Variants in MACROD2 observed in about 807,000 individuals in gnomAD.
MACROD2 encodes the protein ADP-ribose glycohydrolase MACROD2.
MACROD2 carries 36 observed loss-of-function variants against 70.4 expected under a neutral mutation model. That is an observed-to-expected ratio of 0.51 (90% CI 0.39 to 0.68). MACROD2 has a LOEUF of 0.68. MACROD2 is among the 30% of genes least tolerant of loss of function. MACROD2 has a pLI of 0.00. For synonymous variants in MACROD2, 172 were observed against 178.8 expected (o/e 0.96, Z 0.30); for missense variants, 496 against 538.4 (o/e 0.92, Z 0.78).
At chr20:15,205,658 CAAAG>C (rs1200872052) in intron 5 of MACROD2, among the ~76,000 whole-genome samples, 1 of 152,046 alleles carries the variant, frequency 6.6e-6, no homozygotes, top group Non-Finnish European at 1.5e-5. Flanking sequence ...TCTGTTACTT[CAAAG>C]AAAGAAGAGA....
At chr20:14,734,482 C>G (rs1488142322) in intron 5 of MACROD2, among the ~76,000 whole-genome samples, 2 of 143,166 alleles carry the variant, frequency 1.4e-5, no homozygotes, top group African/African-American at 5.2e-5. Context: ...GCCTGGGTAA[C>G]AGAGTGAAAC....
At chr20:14,667,538 G>A (rs999021129) in intron 4 of MACROD2, among the ~76,000 whole-genome samples, 1 of 152,234 alleles carries the variant, frequency 6.6e-6, no homozygotes, top group Non-Finnish European at 1.5e-5. Flanking sequence ...CTTCAAAACC[G>A]TTTGAGGTGT....
chr20:15,681,509 T>C (rs1310123576), intron 8 of MACROD2, among the ~76,000 whole-genome samples: 1 of 152,182 alleles, frequency 6.6e-6, no homozygotes, highest in Non-Finnish European at 1.5e-5. Context: ...GAGGAGAAGA[T>C]AACATATTTT....
chr20:15,829,653 C>T (rs1333612677), intron 8 of MACROD2, among the ~76,000 whole-genome samples: 1 of 152,122 alleles, frequency 6.6e-6, no homozygotes, highest in Non-Finnish European at 1.5e-5. Context: ...CTTATTCATT[C>T]ATTCATTATT....
At chr20:15,042,757 T>G (rs755857315) in intron 5 of MACROD2, among the ~76,000 whole-genome samples, 5 of 152,200 alleles carry the variant, frequency 3.3e-5, no homozygotes, top group Non-Finnish European at 7.3e-5. Context: ...TGATGAACTC[T>G]ACTTACATCC....
Position 15,661,780 on chromosome 20 carries a change from A to G in MACROD2, c.645+161933A>G, listed in dbSNP as rs111688872. On this transcript the variant is annotated intron_variant, in intron 8 of 17. Coordinates refer to ENST00000684519, the MANE Select transcript of MACROD2 (RefSeq NM_001351661.2). ...GATGAAAAACTCTGGCTTAAACTCA[A>G]CCTTAGGCTTCCACTCTGTAAAATT... 3.9e-3 allele frequency among the ~76,000 whole-genome samples: 587 copies of G among 152,272 alleles called. 6 individuals carry two copies. Among genetic ancestry groups the G allele is most frequent in the African/African-American group, 0.013 (531 of 41,556 alleles).
At chr20:14,886,611 G>A (rs1054720988) in intron 5 of MACROD2, among the ~76,000 whole-genome samples, 1 of 152,100 alleles carries the variant, frequency 6.6e-6, no homozygotes, top group Non-Finnish European at 1.5e-5. Context: ...TTTCTGGGAG[G>A]AGAGGACTCT....
chr20:14,891,549 A>G (rs1430073107), intron 5 of MACROD2, among the ~76,000 whole-genome samples: 3 of 152,152 alleles, frequency 2.0e-5, no homozygotes, highest in Non-Finnish European at 4.4e-5. Context: ...TGTCTTGTAC[A>G]TAGTCGGTAT....
chr20:14,592,721 C>T (rs529107163), intron 4 of MACROD2, among the ~76,000 whole-genome samples: 1 of 152,100 alleles, frequency 6.6e-6, no homozygotes, highest in Non-Finnish European at 1.5e-5. Context: ...TTAGCAGTAG[C>T]TACAGGAGGT....
intron 3 of MACROD2, among the ~76,000 whole-genome samples, chr20:14,178,376 T>A (rs1007855362): frequency 2.6e-5 from 4 of 152,316 alleles, no homozygotes; most frequent in South Asian, 4.1e-4. Context: ...GAGGAACATA[T>A]CTATGAATTT....
intron 3 of MACROD2, among the ~76,000 whole-genome samples, chr20:14,367,653 G>T (rs573260694): frequency 6.6e-6 from 1 of 152,152 alleles, no homozygotes; most frequent in African/African-American, 2.4e-5. Context: ...AGGATCCCTT[G>T]TATGTTGGAT....
chr20:14,386,954 A>G (rs2083474390), intron 3 of MACROD2, among the ~76,000 whole-genome samples: 1 of 152,222 alleles, frequency 6.6e-6, no homozygotes. Context: ...GGTTGAGGCT[A>G]GAAACCGGAG....
chr20:14,981,480 G>T (rs893270835), intron 5 of MACROD2, among the ~76,000 whole-genome samples: 6 of 150,732 alleles, frequency 4.0e-5, no homozygotes, highest in Non-Finnish European at 8.9e-5. Context: ...GTGTGTGTCG[G>T]TGTGTGCATG....
At chr20:14,414,669 G>C (rs73901247) in intron 3 of MACROD2, among the ~76,000 whole-genome samples, 2 of 152,106 alleles carry the variant, frequency 1.3e-5, no homozygotes, top group African/African-American at 4.8e-5. Flanking sequence ...TACCATGTCC[G>C]TCAAGGCCCT....
At chr20:15,255,496 G>T (rs2077191793) in intron 6 of MACROD2, among the ~76,000 whole-genome samples, 1 of 152,088 alleles carries the variant, frequency 6.6e-6, no homozygotes, top group Non-Finnish European at 1.5e-5. Flanking sequence ...GAGGGAATTA[G>T]GTTGACATTT....
At chr20:15,275,838 T>C (rs572410852) in intron 6 of MACROD2, among the ~76,000 whole-genome samples, 10 of 152,074 alleles carry the variant, frequency 6.6e-5, no homozygotes, top group Admixed American at 2.0e-4. Context: ...GGCTCCCAAA[T>C]CTCCAGTGGG....
chr20:15,694,030 G>T (rs1053886492), intron 8 of MACROD2, among the ~76,000 whole-genome samples: 2 of 152,094 alleles, frequency 1.3e-5, no homozygotes, highest in African/African-American at 4.8e-5. Flanking sequence ...CTAAGTCACT[G>T]CAAATGCTGT....
At chr20:14,902,686 A>T (rs1399834794) in intron 5 of MACROD2, among the ~76,000 whole-genome samples, 3 of 152,162 alleles carry the variant, frequency 2.0e-5, no homozygotes, top group African/African-American at 7.2e-5. Context: ...TGAAAAAAAT[A>T]GGGACCTTGC....
intron 5 of MACROD2, among the ~76,000 whole-genome samples, chr20:14,953,748 T>C (rs1055211876): frequency 1.3e-5 from 2 of 152,216 alleles, no homozygotes; most frequent in African/African-American, 4.8e-5. Context: ...ACATCCCCTT[T>C]TGATTTCTAA....
Sources: allele counts gnomAD v4.1 joint callset (sites outside exome capture counted in the v4.1 genomes callset), GRCh38; gene constraint gnomAD v4.1.1; transcripts MANE v1.5; gene names NCBI Gene and HGNC (gene_info 2026-07-23, HGNC 2026-07-21).